NBPF14: variants seen among roughly 807,000 people sequenced by gnomAD.
NBPF14 encodes NBPF family member NBPF14.
A neutral mutation model predicts 91.2 loss-of-function variants in NBPF14; 104 were observed. The ratio of observed to expected loss-of-function variants is 1.14; its 90% CI spans 0.97 to 1.34. The LOEUF is 1.34. NBPF14 is among the 40% of genes most tolerant of loss of function. NBPF14 has a pLI of 0.00. For missense variants in NBPF14, 908 were observed against 783.0 expected (o/e 1.16, Z -1.91); for synonymous variants, 294 against 303.8 (o/e 0.97, Z 0.34).
intron 14 of NBPF14, among the ~76,000 whole-genome samples, 184 bp from the exon 15 acceptor site, chr1:148,577,539 G>C (rs1660068903): frequency 8.0e-6 from 1 of 124,632 alleles, no homozygotes; most frequent in Admixed American, 7.7e-5. Context: ...GGATGAACGA[G>C]AAAGACACAC....
At chr1:148,566,650 A>C (rs1321582259) in intron 28 of NBPF14, among the ~76,000 whole-genome samples, 1 of 137,830 alleles carries the variant, frequency 7.3e-6, no homozygotes, top group East Asian at 2.4e-4. Flanking sequence ...CACAGCATAC[A>C]GGGATCATGA....
At chr1:148,534,186 T>C (rs1309367655) in intron 69 of NBPF14, among the ~76,000 whole-genome samples, 7 of 150,018 alleles carry the variant, frequency 4.7e-5, no homozygotes, top group Non-Finnish European at 7.4e-5. Context: ...TTCTAGTAGA[T>C]CGTTATCCCA....
chr1:148,587,451 G>A lies in NBPF14; in HGVS notation c.989-48C>T, dbSNP rs1230148711. 33 of 1,531,292 alleles carry A rather than the reference G, an allele frequency of 2.2e-5. 1 individual carries two copies. Among genetic ancestry groups the A allele is most frequent in the Non-Finnish European group, 2.9e-5 (32 of 1,119,386 alleles). The allele number at this position is 1,531,292 out of a possible 1,614,324, so 94.9% of individuals were successfully genotyped here. On this transcript the variant is annotated intron_variant, in intron 7 of 70. Transcript: ENST00000619423. ...ACCTCAGTGGAAGGCTGGACATGCTGCTGTGGTCATTGCCTACAGGACAGG... is the reference window on the plus strand; with the variant it reads ...ACCTCAGTGGAAGGCTGGACATGCTACTGTGGTCATTGCCTACAGGACAGG...
At chr1:148,577,595 G>A (rs1407284367) in intron 14 of NBPF14, among the ~76,000 whole-genome samples, 8 of 149,914 alleles carry the variant, frequency 5.3e-5, no homozygotes, top group Non-Finnish European at 8.8e-5. Flanking sequence ...CACACAGAGC[G>A]AGGTCAGTCA....
In NBPF14 at chr1:148,566,510, C is replaced by T. The variant is rs1280769627; in HGVS notation, c.3543-195G>A. On this transcript the variant is annotated intron_variant, in intron 28 of 70. Coordinates refer to ENST00000619423, the Ensembl canonical transcript of NBPF14. Reference sequence around the variant, plus strand: ...GAAAAGAATGAAAGAGAAAGACAGACACACACACACACACACACACACACA... The same window carrying T: ...GAAAAGAATGAAAGAGAAAGACAGATACACACACACACACACACACACACA... Among the ~76,000 whole-genome samples, 102 of 46,950 alleles carry T rather than the reference C, an allele frequency of 2.2e-3. No individual in the cohort carries two copies. In the African/African-American group the frequency reaches 0.029, roughly 13 times the overall value. The allele number at this position is 46,950 out of a possible 152,430, so 30.8% of individuals were successfully genotyped here.
chr1:148,557,046 A>G (rs1656684858), intron 40 of NBPF14, among the ~76,000 whole-genome samples, 184 bp from the exon 41 acceptor site: 5 of 119,702 alleles, frequency 4.2e-5, no homozygotes, highest in Non-Finnish European at 6.3e-5. Context: ...AGAATGAAAG[A>G]GAAAGACAGA....
At chr1:148,577,511 C>A (rs879230071) in intron 14 of NBPF14, among the ~76,000 whole-genome samples, 156 bp from the exon 15 acceptor site, 26 of 150,260 alleles carry the variant, frequency 1.7e-4, no homozygotes, top group African/African-American at 5.0e-4. Flanking sequence ...TTGGGATAGA[C>A]TATGGCCAGG....
At chr1:148,593,153 T>G (rs1462807526) in intron 3 of NBPF14, among the ~76,000 whole-genome samples, 3 of 147,284 alleles carry the variant, frequency 2.0e-5, no homozygotes, top group Admixed American at 6.7e-5. Flanking sequence ...TGAGGCCAGG[T>G]GCAGATGGGG....
At chr1:148,577,465 G>T in intron 14 of NBPF14, 110 bp from the exon 15 acceptor site, 1 of 694,780 alleles carries the variant, frequency 1.4e-6, no homozygotes, top group Non-Finnish European at 2.7e-6. Flanking sequence ...AAAAAGGACA[G>T]ATCCATTAAT....
intron 69 of NBPF14, 34 bp downstream of exon 69, chr1:148,534,650 T>A (rs1297054264): frequency 7.0e-6 from 6 of 857,300 alleles, no homozygotes; most frequent in South Asian, 5.3e-5. Context: ...GAAGACCAGG[T>A]GGAGGCTTAT....
exon 37 of NBPF14, chr1:148,559,860 G>C (rs1192576105): frequency 1.1e-5 from 16 of 1,497,972 alleles, no homozygotes; most frequent in Admixed American, 5.3e-5. Flanking sequence ...TATAGGGCTG[G>C]CATGAGTCAG....
intron 70 of NBPF14, among the ~76,000 whole-genome samples, chr1:148,533,494 TG>T (rs1198186572): frequency 1.3e-5 from 2 of 151,446 alleles, no homozygotes; most frequent in Non-Finnish European, 2.9e-5. Flanking sequence ...CCTAGTGAAT[TG>T]GCCAGGTGAC....
Position 148,534,691 on chromosome 1 carries a change from G to A in NBPF14, c.8607C>T (p.Asp2869=), listed in dbSNP as rs782034357. The A allele has an allele frequency of 1.3e-4, 105 of 819,018 alleles. 2 individuals carry two copies. Among genetic ancestry groups the A allele is most frequent in the South Asian group, 1.2e-3 (90 of 74,268 alleles). 50.7% of individuals were successfully genotyped at this position (819,018 alleles called of 1,614,324 possible). ...TCATAGTAAGGTACTCACTGTCCAC[G>A]TCAAGAGCCAAGCCAAGGTACTGTT... The change falls in exon 69 of 71, where the codon GAC becomes GAT. Residue 2869 remains aspartate (D), a synonymous_variant. Transcript: ENST00000619423.
At chr1:148,586,676 C>A (rs1375353344) in intron 8 of NBPF14, among the ~76,000 whole-genome samples, 36 of 144,126 alleles carry the variant, frequency 2.5e-4, no homozygotes, top group African/African-American at 5.4e-4. Flanking sequence ...CTTGCAAGAT[C>A]CTCGATGATG....
intron 34 of NBPF14, among the ~76,000 whole-genome samples, chr1:148,561,878 C>G (rs1657860300): frequency 7.5e-6 from 1 of 133,386 alleles, no homozygotes; most frequent in Admixed American, 7.1e-5. Flanking sequence ...AGGTGACACA[C>G]TGATGAGGGA....
intron 69 of NBPF14, 96 bp from the exon 70 acceptor site, chr1:148,534,065 C>T: frequency 1.7e-6 from 1 of 605,996 alleles, no homozygotes; most frequent in Non-Finnish European, 2.9e-6. Flanking sequence ...CCTCAGGCTC[C>T]TCAGCATAAG....
chr1:148,575,872 G>A (rs1659599386), intron 16 of NBPF14, 61 bp from the exon 17 acceptor site: 6 of 287,056 alleles, frequency 2.1e-5, no homozygotes, highest in African/African-American at 7.3e-5. Flanking sequence ...CACAGCCCCA[G>A]CTAGATTTCA....
intron 6 of NBPF14, among the ~76,000 whole-genome samples, chr1:148,590,013 G>A (rs1662192911): frequency 7.1e-6 from 1 of 141,250 alleles, no homozygotes; most frequent in Admixed American, 7.1e-5. Context: ...ATTAAGATGT[G>A]AGCCAGCGCC....
chr1:148,561,849 C>A (rs376758020), intron 34 of NBPF14, among the ~76,000 whole-genome samples: 2 of 132,674 alleles, frequency 1.5e-5, no homozygotes, highest in African/African-American at 3.8e-5. Flanking sequence ...AGAGAGAGAA[C>A]GAGCTCAGTG....
Sources: allele counts gnomAD v4.1 joint callset (sites outside exome capture counted in the v4.1 genomes callset), GRCh38; gene constraint gnomAD v4.1.1; transcripts MANE v1.5; gene names NCBI Gene and HGNC (gene_info 2026-07-23, HGNC 2026-07-21).